The following MDGA2 variants were observed in gnomAD, a reference collection of about 807,000 sequenced individuals.
MDGA2 encodes the protein MAM domain-containing glycosylphosphatidylinositol anchor protein 2.
Under a neutral mutation model 117.8 loss-of-function variants are expected in MDGA2, and 40 were observed. That is an observed-to-expected ratio of 0.34 (90% CI 0.26 to 0.44). MDGA2 has a LOEUF of 0.44. Among genes scored for constraint, MDGA2 ranks in the 20% least tolerant of loss-of-function variants. The pLI, the probability that MDGA2 is intolerant of heterozygous loss-of-function variation, is 1.00. For synonymous variants in MDGA2, 452 were observed against 439.0 expected (o/e 1.03, Z -0.37); for missense variants, 1,123 against 1,250.6 (o/e 0.90, Z 1.54).
chr14:47,594,715 C>A (rs1420702070), intron 1 of MDGA2, among the ~76,000 whole-genome samples: 1 of 152,350 alleles, frequency 6.6e-6, no homozygotes, highest in Admixed American at 6.5e-5. Flanking sequence ...GCCATTCCCA[C>A]TAGGCCTAGT....
intron 1 of MDGA2, among the ~76,000 whole-genome samples, chr14:47,584,679 T>C (rs1372530149): frequency 6.6e-6 from 1 of 151,862 alleles, no homozygotes; most frequent in Non-Finnish European, 1.5e-5. Flanking sequence ...TAAAGGTTTA[T>C]CTTCTTATGC....
intron 7 of MDGA2, among the ~76,000 whole-genome samples, chr14:47,047,119 T>C (rs550638279): frequency 1.3e-5 from 2 of 151,804 alleles, no homozygotes; most frequent in South Asian, 4.2e-4. Context: ...TGAAAACATA[T>C]ATTTATATTT....
At chr14:47,480,869 A>G (rs1893940479) in intron 1 of MDGA2, among the ~76,000 whole-genome samples, 1 of 151,952 alleles carries the variant, frequency 6.6e-6, no homozygotes, top group Non-Finnish European at 1.5e-5. Context: ...TAGAATGATT[A>G]TATGATTCAT....
intron 3 of MDGA2, among the ~76,000 whole-genome samples, chr14:47,158,815 G>A (rs1454536209): frequency 1.3e-5 from 2 of 152,158 alleles, no homozygotes; most frequent in Non-Finnish European, 2.9e-5. Flanking sequence ...TGGGTAAACT[G>A]ATAAATAAAA....
intron 9 of MDGA2, among the ~76,000 whole-genome samples, chr14:46,943,561 T>TA (rs1885070034): frequency 6.6e-6 from 1 of 152,076 alleles, no homozygotes; most frequent in South Asian, 2.1e-4. Context: ...TGATTCTACT[T>TA]AGAGTCAATA....
At chr14:46,912,086 A>T (rs1248038410) in intron 10 of MDGA2, among the ~76,000 whole-genome samples, 1 of 152,112 alleles carries the variant, frequency 6.6e-6, no homozygotes, top group Non-Finnish European at 1.5e-5. Flanking sequence ...GACGAGGGAG[A>T]ATATGCAATC....
intron 1 of MDGA2, among the ~76,000 whole-genome samples, chr14:47,506,559 G>C (rs775560488): frequency 3.3e-5 from 5 of 152,180 alleles, no homozygotes; most frequent in Non-Finnish European, 7.3e-5. Context: ...AGAACAATGT[G>C]TTAAGGTCAC....
At chr14:47,592,772 C>T (rs1257902888) in intron 1 of MDGA2, among the ~76,000 whole-genome samples, 28 of 152,066 alleles carry the variant, frequency 1.8e-4, no homozygotes, top group Admixed American at 1.8e-3. Context: ...AAACCGAAAG[C>T]TATAAAAACC....
At chr14:47,114,189 A>T (rs1049941522) in intron 5 of MDGA2, among the ~76,000 whole-genome samples, 1 of 152,008 alleles carries the variant, frequency 6.6e-6, no homozygotes, top group South Asian at 2.1e-4. Context: ...ACCAAAGAAT[A>T]AAATACCAAA....
rs371753779 is a variant in MDGA2, at chr14:46,935,406, T to C, written c.2090-15246A>G. Among the ~76,000 whole-genome samples the C allele has an allele frequency of 1.2e-3, 178 of 152,232 alleles. 1 individual carries two copies. The highest frequency in any genetic ancestry group is 4.1e-3 in the African/African-American group (171 of 41,560). ...TCCCTAAAGTATCTAGTCAATCATA[T>C]AGAAACTCAATTGCTTATTTGCATG... On this transcript the variant is annotated intron_variant, in intron 9 of 16. Transcript: ENST00000399232.
chr14:47,081,547 A>G (rs1330665951), intron 6 of MDGA2, among the ~76,000 whole-genome samples: 1 of 152,148 alleles, frequency 6.6e-6, no homozygotes. Flanking sequence ...TTTTAGAAAA[A>G]CAAAACAAAA....
chr14:47,465,215 A>G (rs1212101944), intron 1 of MDGA2, among the ~76,000 whole-genome samples: 4 of 152,216 alleles, frequency 2.6e-5, no homozygotes, highest in Non-Finnish European at 5.9e-5. Context: ...TAAAACCCTA[A>G]ACTCACAAAA....
intron 13 of MDGA2, 86 bp from the exon 14 acceptor site, chr14:46,873,677 A>C (rs1029441040): frequency 1.6e-6 from 2 of 1,241,166 alleles, no homozygotes; most frequent in Non-Finnish European, 1.1e-6. Context: ...TATAGTTTTC[A>C]TACAAAATAA....
rs138096411 is a variant in MDGA2, at chr14:46,969,457, T to A, written c.1820-11814A>T. ...GATCACCATGCTAACTGGTGTGAGA[T>A]GATATCTCATTGTGGTTTTGATTTG... On this transcript the variant is annotated intron_variant, in intron 8 of 16. Transcript: ENST00000399232. Among the ~76,000 whole-genome samples, 1,288 of 152,292 alleles carry A rather than the reference T, an allele frequency of 8.5e-3. 17 individuals carry two copies. Among genetic ancestry groups the A allele is most frequent in the African/African-American group, 0.029 (1,223 of 41,572 alleles).
chr14:47,172,780 C>T (rs540502757), intron 3 of MDGA2, among the ~76,000 whole-genome samples: 15 of 152,220 alleles, frequency 9.9e-5, no homozygotes, highest in South Asian at 6.2e-4. Context: ...TCACTAGCAA[C>T]GGAACAAAGC....
intron 1 of MDGA2, among the ~76,000 whole-genome samples, chr14:47,435,317 G>T (rs1413867548): frequency 1.3e-5 from 2 of 151,978 alleles, no homozygotes. Flanking sequence ...TTTGTGTTCT[G>T]CCAGACATTA....
intron 2 of MDGA2, 81 bp from the exon 3 acceptor site, chr14:47,218,276 G>A (rs1886173712): frequency 1.6e-6 from 2 of 1,248,140 alleles, no homozygotes; most frequent in South Asian, 1.7e-5. Context: ...CATTTGAAGA[G>A]TTTGCATTTA....
At chr14:47,670,470 A>G (rs1398203472) in intron 1 of MDGA2, among the ~76,000 whole-genome samples, 2 of 152,204 alleles carry the variant, frequency 1.3e-5, no homozygotes, top group Non-Finnish European at 2.9e-5. Flanking sequence ...TACAGGAGAT[A>G]CAATTATTGA....
chr14:47,301,286 CA>C, intron 2 of MDGA2, 124 bp downstream of exon 2: 1 of 944,790 alleles, frequency 1.1e-6, no homozygotes, highest in Non-Finnish European at 1.5e-6. Flanking sequence ...CACACACACC[CA>C]CACCCACCCA....
Sources: gnomAD v4.1 joint callset for allele counts (sites outside exome capture counted in the v4.1 genomes callset) on GRCh38, gnomAD v4.1.1 for gene constraint, MANE v1.5 for transcripts, NCBI Gene and HGNC (gene_info 2026-07-23, HGNC 2026-07-21) for gene names.